The following RGL1 variants were observed in gnomAD, a reference collection of about 807,000 sequenced individuals.
The protein encoded by RGL1 is ral guanine nucleotide dissociation stimulator-like 1.
In RGL1, 24 loss-of-function variants were observed where a neutral mutation model predicts 95.2. The observed-to-expected ratio is 0.25, with a 90% CI of 0.18 to 0.35. The LOEUF is 0.35. Among genes scored for constraint, RGL1 ranks in the 10% least tolerant of loss-of-function variants. The pLI is 1.00. For synonymous variants in RGL1, 329 were observed against 344.9 expected (o/e 0.95, Z 0.51); for missense variants, 715 against 936.3 (o/e 0.76, Z 3.08).
chr1:183,705,725 A>G (rs1654872373), intron 1 of RGL1, among the ~76,000 whole-genome samples: 1 of 152,232 alleles, frequency 6.6e-6, no homozygotes, highest in Non-Finnish European at 1.5e-5. Context: ...TTTAGGAACT[A>G]CTGGACATAC....
intron 2 of RGL1, among the ~76,000 whole-genome samples, chr1:183,793,712 A>G (rs1186353830): frequency 6.6e-6 from 1 of 152,148 alleles, no homozygotes; most frequent in Non-Finnish European, 1.5e-5. Context: ...GGAAAGACAA[A>G]AAAGAATGAC....
At chr1:183,905,075 C>A in intron 13 of RGL1, 104 bp downstream of exon 13, 1 of 1,397,540 alleles carries the variant, frequency 7.2e-7, no homozygotes, top group Non-Finnish European at 9.6e-7. Flanking sequence ...ATTTAGTGAG[C>A]AGCTGCTAGG....
chr1:183,719,599 TA>T (rs202169718), intron 1 of RGL1, among the ~76,000 whole-genome samples: 11 of 151,088 alleles, frequency 7.3e-5, no homozygotes, highest in African/African-American at 1.5e-4. Flanking sequence ...TGTAGAATGT[TA>T]AAAAAAAATA....
Position 183,926,303 on chromosome 1 carries a change from C to T in RGL1, c.*11C>T. Reference sequence around the variant, plus strand: ...AAAATCACCCTCTGAAGGGAGGGACCAGTGGCCCCTTGTTTGCCAAAGGCA... The same window carrying T: ...AAAATCACCCTCTGAAGGGAGGGACTAGTGGCCCCTTGTTTGCCAAAGGCA... On this transcript the variant is annotated 3_prime_UTR_variant, in exon 18 of 18. Transcript: ENST00000360851. 2 of 1,594,104 alleles carry T rather than the reference C, an allele frequency of 1.3e-6. No homozygotes were observed. The highest frequency in any genetic ancestry group is 1.7e-6 in the Non-Finnish European group (2 of 1,167,954).
intron 2 of RGL1, among the ~76,000 whole-genome samples, chr1:183,746,060 A>G (rs1657607771): frequency 6.7e-6 from 1 of 149,600 alleles, no homozygotes; most frequent in East Asian, 1.9e-4. Flanking sequence ...TTTTAACATT[A>G]TAGTATTTGA....
At chr1:183,763,832 C>T (rs1464003709) in intron 2 of RGL1, among the ~76,000 whole-genome samples, 3 of 151,974 alleles carry the variant, frequency 2.0e-5, no homozygotes, top group African/African-American at 7.3e-5. Flanking sequence ...GGAAAGAGTA[C>T]AAAATGTTAC....
intron 2 of RGL1, among the ~76,000 whole-genome samples, chr1:183,821,142 A>G (rs965048080): frequency 3.3e-5 from 5 of 151,918 alleles, no homozygotes; most frequent in Non-Finnish European, 5.9e-5. Flanking sequence ...TAAAATAATA[A>G]TAATAATAAT....
At chr1:183,736,545 G>A (rs1656953215) in intron 1 of RGL1, among the ~76,000 whole-genome samples, 1 of 152,182 alleles carries the variant, frequency 6.6e-6, no homozygotes, top group African/African-American at 2.4e-5. Context: ...AAACTAAAAT[G>A]CAAAGACTGC....
At chr1:183,792,168 G>GT (rs1343158819) in intron 2 of RGL1, among the ~76,000 whole-genome samples, 2 of 151,506 alleles carry the variant, frequency 1.3e-5, no homozygotes. Context: ...AGTTTTGTGG[G>GT]GTTTTTTTTT....
intron 2 of RGL1, among the ~76,000 whole-genome samples, chr1:183,746,842 T>C (rs1657669663): frequency 6.6e-6 from 1 of 152,076 alleles, no homozygotes; most frequent in South Asian, 2.1e-4. Context: ...TTCCCCTCCC[T>C]GTGTCCATGT....
chr1:183,907,472 A>G (rs1476182321), intron 14 of RGL1, among the ~76,000 whole-genome samples: 2 of 152,208 alleles, frequency 1.3e-5, no homozygotes, highest in African/African-American at 4.8e-5. Context: ...AATAAAACCC[A>G]AACTCTGTAT....
At chr1:183,661,053 A>C (rs1558139658) in intron 1 of RGL1, among the ~76,000 whole-genome samples, 1 of 152,328 alleles carries the variant, frequency 6.6e-6, no homozygotes, top group East Asian at 1.9e-4. Flanking sequence ...GACACATTCA[A>C]AGCAGTGTGT....
intron 2 of RGL1, among the ~76,000 whole-genome samples, chr1:183,747,842 G>C (rs1217232369): frequency 6.6e-6 from 1 of 152,158 alleles, no homozygotes; most frequent in Non-Finnish European, 1.5e-5. Flanking sequence ...GGTAAGGCTG[G>C]CCTCATAAAA....
intron 2 of RGL1, chr1:183,754,891 T>C (rs1457133865): frequency 6.6e-6 from 1 of 152,264 alleles, no homozygotes; most frequent in South Asian, 2.1e-4. Flanking sequence ...AATGCCTATC[T>C]GTGGGTTCTG....
chr1:183,648,378 A>G, intron 1 of RGL1: 1 of 1,614,242 alleles, frequency 6.2e-7, no homozygotes, highest in Non-Finnish European at 8.5e-7. Flanking sequence ...CATTTTGCTG[A>G]TGCAGCAGTG....
intron 5 of RGL1, among the ~76,000 whole-genome samples, chr1:183,881,863 G>A (rs1171475623): frequency 6.6e-6 from 1 of 152,240 alleles, no homozygotes; most frequent in East Asian, 1.9e-4. Context: ...TCCAGCTGCG[G>A]ACCTCAGCTC....
chr1:183,792,687 A>T (rs1660493613), intron 2 of RGL1, among the ~76,000 whole-genome samples: 1 of 152,136 alleles, frequency 6.6e-6, no homozygotes, highest in African/African-American at 2.4e-5. Flanking sequence ...CTGAAAAAGA[A>T]ATAAAGCAAC....
intron 2 of RGL1, among the ~76,000 whole-genome samples, chr1:183,843,801 A>G (rs1664224194): frequency 6.7e-6 from 1 of 148,976 alleles, no homozygotes; most frequent in South Asian, 2.1e-4. Flanking sequence ...TTAATATTTA[A>G]CATTGAAGTA....
chr1:183,873,910 C>G (rs572940946), intron 4 of RGL1, among the ~76,000 whole-genome samples: 2 of 152,168 alleles, frequency 1.3e-5, no homozygotes, highest in African/African-American at 2.4e-5. Context: ...CCTTGTGCCT[C>G]GTAGCATCTG....
Sources: allele counts gnomAD v4.1 joint callset (sites outside exome capture counted in the v4.1 genomes callset), GRCh38; gene constraint gnomAD v4.1.1; transcripts MANE v1.5; gene names NCBI Gene and HGNC (gene_info 2026-07-23, HGNC 2026-07-21).